HTT: variants seen among roughly 807,000 people sequenced by gnomAD.
The protein encoded by HTT is huntington disease protein.
Under a neutral mutation model 362.3 loss-of-function variants are expected in HTT, and 104 were observed. The observed-to-expected ratio is 0.29, with a 90% CI of 0.24 to 0.34. The LOEUF (loss-of-function observed/expected upper bound fraction) is 0.34. HTT is among the 10% of genes least tolerant of loss of function. The pLI is 1.00. For synonymous variants in HTT, 1,577 were observed against 1,548.7 expected (o/e 1.02, Z -0.43); for missense variants, 3,301 against 3,928.6 (o/e 0.84, Z 4.27).
intron 19 of HTT, among the ~76,000 whole-genome samples, chr4:3,135,141 TA>T (rs892447745): frequency 1.3e-5 from 2 of 151,990 alleles, no homozygotes; most frequent in Non-Finnish European, 2.9e-5. Flanking sequence ...CTTAAACTTT[TA>T]AAAAAATGTA....
chr4:3,169,752 T>C (rs1201002752), intron 29 of HTT, among the ~76,000 whole-genome samples: 1 of 152,194 alleles, frequency 6.6e-6, no homozygotes, highest in Non-Finnish European at 1.5e-5. Context: ...TTGTGTATTT[T>C]TATTAGAGAT....
At chr4:3,183,031 C>A (rs1718600292) in intron 37 of HTT, among the ~76,000 whole-genome samples, 1 of 152,198 alleles carries the variant, frequency 6.6e-6, no homozygotes, top group African/African-American at 2.4e-5. Context: ...CAGGTGTGCA[C>A]CACTACGCCT....
chr4:3,222,710 G>T (rs1216885120), intron 54 of HTT, among the ~76,000 whole-genome samples: 1 of 152,172 alleles, frequency 6.6e-6, no homozygotes. Context: ...TTTTATTACG[G>T]TGCATTCCAT....
At position 3,172,334 on chromosome 4, in the gene HTT, C is replaced by T. The variant is rs1718028101; in HGVS notation, c.3879C>T (p.Ile1293=). 6.2e-7 allele frequency: 1 copy of T among 1,602,948 alleles called. No individual in the cohort carries two copies. The highest frequency in any genetic ancestry group is 2.2e-5 in the East Asian group (1 of 44,808). The part of the protein sequence containing the change: ...LQDIGKCVEE[I]LGYLKSCFSR... ...TCTTTCTACAGTGTGTTGAAGAGAT[C>T]CTAGGATACCTGAAATCCTGCTTTA... is the stretch of plus-strand genomic sequence containing the variant. Residue 1293 remains isoleucine (I), a synonymous_variant, in exon 30 of 67, where the codon ATC becomes ATT. Coordinates refer to ENST00000355072, the MANE Select transcript of HTT (RefSeq NM_001388492.1).
rs1578510664 is a variant in HTT at position 3,115,654 on chromosome 4, G to A, written c.889+209G>A. Among the ~76,000 whole-genome samples, 5 of 152,338 alleles carry A rather than the reference G, an allele frequency of 3.3e-5. 1 individual carries two copies. In the East Asian group the frequency reaches 9.6e-4, roughly 29 times the overall value. On this transcript the variant is annotated intron_variant, in intron 7 of 66. Transcript: ENST00000355072. ...CGTGCCCAGGGACTGGGCAGTGGGT[G>A]TGGGCTGGTGTGAGCCCTGTCTGCC...
At chr4:3,199,997 C>T in intron 41 of HTT, 58 bp downstream of exon 41, 1 of 1,424,682 alleles carries the variant, frequency 7.0e-7, no homozygotes, top group African/African-American at 1.4e-5. Context: ...TCCTGAGACT[C>T]CCAGTAACCT....
intron 66 of HTT, among the ~76,000 whole-genome samples, chr4:3,239,321 C>T (rs553338574): frequency 9.9e-4 from 151 of 152,322 alleles, no homozygotes; most frequent in Admixed American, 3.2e-3. Context: ...TCTCCTGACA[C>T]TGCTTCTCAT....
intron 2 of HTT, among the ~76,000 whole-genome samples, chr4:3,095,967 G>C (rs1250405986): frequency 1.3e-5 from 2 of 152,224 alleles, no homozygotes; most frequent in Non-Finnish European, 2.9e-5. Context: ...CTCGGTATAT[G>C]CTGCTGCCTG....
chr4:3,133,475 A>C (rs1254181917), intron 18 of HTT, among the ~76,000 whole-genome samples: 1 of 150,982 alleles, frequency 6.6e-6, no homozygotes, highest in Non-Finnish European at 1.5e-5. Flanking sequence ...TAGCCTGGGC[A>C]ACAGAGTGAG....
chr4:3,157,116 T>C lies in HTT; in HGVS notation c.3670T>C (p.Ser1224Pro). 1.9e-6 allele frequency: 3 copies of C among 1,613,052 alleles called. No individual in the cohort carries two copies. In the South Asian group the frequency reaches 3.3e-5, roughly 18 times the overall value. The change falls in exon 28 of 67, where the codon TCC (serine) becomes CCC (proline). Residue 1224 changes from serine to proline, a missense_variant. By Grantham distance (74) the Ser-to-Pro change is moderately conservative (BLOSUM62 -1). Transcript: ENST00000355072. ...DTSGPVTTSK[S>P]SSLGSFYHLP... The stretch of plus-strand genomic sequence containing the variant: ...CTCAGGTCCTGTTACAACAAGTAAA[T>C]CCTCATCACTGGGGAGTTTCTATCA...
chr4:3,135,959 T>C lies in HTT; in HGVS notation c.2689T>C (p.Tyr897His). The C allele has an allele frequency of 6.2e-7, 1 of 1,601,118 alleles. No homozygotes were observed. The highest frequency in any genetic ancestry group is 8.5e-7 in the Non-Finnish European group (1 of 1,175,256). ...AENLHRGAHH[Y>H]TGLLKLQERV... is the part of the protein sequence containing the mutation. Reference sequence around the variant, plus strand: ...AAACTTACACAGAGGGGCTCATCATTATACAGGGGTAAGCGGTTTATTTTT... The same window carrying C: ...AAACTTACACAGAGGGGCTCATCATCATACAGGGGTAAGCGGTTTATTTTT... The change falls in exon 20 of 67, where the codon TAT becomes CAT. Residue 897 changes from tyrosine to histidine, a missense_variant. Tyr to His is a moderately conservative substitution (Grantham distance 83). Transcript: ENST00000355072.
chr4:3,180,447 G>A (rs1160827895), intron 35 of HTT, 68 bp from the exon 36 acceptor site: 2 of 1,405,488 alleles, frequency 1.4e-6, no homozygotes, highest in African/African-American at 1.4e-5. Flanking sequence ...TTTTGTAGAT[G>A]TTGAGAGCAG....
chr4:3,187,848 G>A lies in HTT; in HGVS notation c.5187G>A (p.Gly1729=). Residue 1729 remains glycine, a synonymous_variant, in exon 39 of 67, where the codon GGG becomes GGA. Transcript: ENST00000355072. ...STSTLEEHSE[G]KQIKNLPEET... is the part of the protein sequence containing the mutation. ...CAACGCTAGAAGAACACAGTGAAGG[G>A]AAACAAATAAAGAATTTGCCAGAAG... 6.2e-7 allele frequency: 1 copy of A among 1,612,776 alleles called. No homozygotes were observed. Among genetic ancestry groups the A allele is most frequent in the Non-Finnish European group, 8.5e-7 (1 of 1,178,954 alleles).
chr4:3,221,229 T>C (rs1720657085), intron 53 of HTT, among the ~76,000 whole-genome samples: 1 of 152,204 alleles, frequency 6.6e-6, no homozygotes, highest in Non-Finnish European at 1.5e-5. Context: ...AGGAGACACC[T>C]TGCCTCTACT....
chr4:3,153,391 G>T (rs543125484), intron 26 of HTT, among the ~76,000 whole-genome samples: 2 of 152,272 alleles, frequency 1.3e-5, no homozygotes, highest in African/African-American at 4.8e-5. Flanking sequence ...AGCAGAGCTA[G>T]GACCTCAATT....
chr4:3,188,367 C>T (rs1718864960), intron 39 of HTT: 1 of 166,028 alleles, frequency 6.0e-6, no homozygotes, highest in South Asian at 1.6e-4. Flanking sequence ...TTTGGAAGCT[C>T]CCCAAGGACA....
In HTT at chr4:3,235,293, C is replaced by G. The variant is rs764673669; in HGVS notation, c.8466C>G (p.Asn2822Lys). The G allele has an allele frequency of 1.2e-6, 2 of 1,612,094 alleles. 1 individual carries two copies. The highest frequency in any genetic ancestry group is 2.2e-5 in the South Asian group (2 of 91,038). The part of the protein sequence containing the change: ...SNLKGIAHCV[N>K]IHSQQHVLVM... The stretch of plus-strand genomic sequence containing the variant: ...TGTCTCCCGTTTTCAGCTGCGTGAA[C>G]ATTCACAGCCAGCAGCACGTACTGG... Residue 2822 changes from asparagine to lysine, a missense_variant, in exon 62 of 67, where the codon AAC becomes AAG. Asn to Lys is a moderately conservative substitution (Grantham distance 94). This residue lies in a region of HTT where 753 missense variants were observed against 1,021.3 expected (regional missense o/e 0.74). Transcript: ENST00000355072.
intron 42 of HTT, among the ~76,000 whole-genome samples, chr4:3,205,679 T>A (rs942959378): frequency 6.6e-6 from 1 of 152,148 alleles, no homozygotes; most frequent in Non-Finnish European, 1.5e-5. Flanking sequence ...ATTTTCGGAT[T>A]TAGGGAGCTC....
In HTT at chr4:3,161,167, C is replaced by T. The variant is rs146303615; in HGVS notation, c.3864+775C>T. 3.9e-3 allele frequency among the ~76,000 whole-genome samples: 599 copies of T among 152,154 alleles called. 6 individuals carry two copies. Among genetic ancestry groups the T allele is most frequent in the Non-Finnish European group, 7.0e-3 (476 of 67,998 alleles). ...ATTTCCACTTGTGAGTGAGAACATG[C>T]GGTGTTTGGTTTTCTGATCTTGTGA... On this transcript the variant is annotated intron_variant, in intron 29 of 66. Coordinates refer to ENST00000355072, the MANE Select transcript of HTT (RefSeq NM_001388492.1).
Sources: allele counts gnomAD v4.1 joint callset (sites outside exome capture counted in the v4.1 genomes callset), GRCh38; gene constraint gnomAD v4.1.1; regional missense constraint gnomAD v4.1.1; transcripts MANE v1.5; gene names NCBI Gene and HGNC (gene_info 2026-07-23, HGNC 2026-07-21).